ESR1: variants seen among roughly 807,000 people sequenced by gnomAD.
ESR1 encodes estrogen receptor.
Under a neutral mutation model 52.7 loss-of-function variants are expected in ESR1, and 12 were observed. The ratio of observed to expected loss-of-function variants is 0.23; its 90% CI spans 0.15 to 0.37. The LOEUF (loss-of-function observed/expected upper bound fraction) is 0.37. ESR1 is among the 10% of genes least tolerant of loss of function. The pLI, the probability that ESR1 is intolerant of heterozygous loss-of-function variation, is 1.00. For missense variants in ESR1, 584 were observed against 779.7 expected (o/e 0.75, Z 2.99); for synonymous variants, 305 against 316.8 (o/e 0.96, Z 0.39).
rs182358804 is a variant in ESR1, at chr6:151,681,272, G to T, written n.74-20603G>T. Among the ~76,000 whole-genome samples the T allele has an allele frequency of 3.8e-3, 581 of 152,278 alleles. 8 individuals are homozygous for T. Among genetic ancestry groups the T allele is most frequent in the Non-Finnish European group, 5.4e-3 (367 of 68,022 alleles). On this transcript the variant is annotated intron_variant and non_coding_transcript_variant, in intron 1 of 2. Coordinates refer to the ESR1 transcript ENST00000473497. ...CTGTGCAGTAGACCATAGAAATAAC[G>T]ATTGTTTCTGGGGTTGCGCTGGAGT... is the stretch of plus-strand genomic sequence containing the variant.
chr6:151,815,483 G>A (rs1779471191), intron 1 of ESR1, among the ~76,000 whole-genome samples: 1 of 152,180 alleles, frequency 6.6e-6, no homozygotes, highest in Admixed American at 6.5e-5. Flanking sequence ...AATGGATGGT[G>A]GTGGGCAGGA....
intron 2 of ESR1, among the ~76,000 whole-genome samples, chr6:151,715,128 T>A (rs1449485823): frequency 1.3e-5 from 2 of 152,228 alleles, no homozygotes; most frequent in African/African-American, 4.8e-5. Context: ...AATTCTAGGT[T>A]AAAAATTCTT....
chr6:152,043,759 A>G (rs1389325317), intron 5 of ESR1, among the ~76,000 whole-genome samples: 1 of 152,180 alleles, frequency 6.6e-6, no homozygotes, highest in Non-Finnish European at 1.5e-5. Flanking sequence ...TTAGAAGCTC[A>G]GTGCCCCCAG....
At chr6:151,915,707 A>G (rs1315682001) in intron 3 of ESR1, among the ~76,000 whole-genome samples, 2 of 152,186 alleles carry the variant, frequency 1.3e-5, no homozygotes, top group South Asian at 4.1e-4. Context: ...AACTGTTTTT[A>G]TAGATTTAAA....
chr6:151,949,674 G>A (rs2084675153), intron 4 of ESR1, among the ~76,000 whole-genome samples: 1 of 152,192 alleles, frequency 6.6e-6, no homozygotes, highest in Admixed American at 6.5e-5. Context: ...TTTTGCAAGT[G>A]TTCCATGTCC....
intron 1 of ESR1, among the ~76,000 whole-genome samples, chr6:151,675,444 A>G (rs1406645564): frequency 1.3e-5 from 2 of 152,142 alleles, no homozygotes; most frequent in African/African-American, 4.8e-5. Flanking sequence ...CAAGAGGGTT[A>G]GGGGAACTAT....
intron 1 of ESR1, among the ~76,000 whole-genome samples, chr6:151,672,112 C>T (rs150835764): frequency 0.017 from 2,586 of 151,990 alleles, 76 homozygotes; most frequent in African/African-American, 0.059. Flanking sequence ...GGATTGCAGG[C>T]GTGAGCCACT....
At chr6:152,085,639 C>T (rs1250029562) in intron 6 of ESR1, among the ~76,000 whole-genome samples, 1 of 152,110 alleles carries the variant, frequency 6.6e-6, no homozygotes, top group African/African-American at 2.4e-5. Flanking sequence ...GTCTGATATC[C>T]CAGCATAGGA....
intron 2 of ESR1, among the ~76,000 whole-genome samples, chr6:151,734,283 G>A (rs1008581680): frequency 2.6e-5 from 4 of 152,190 alleles, no homozygotes; most frequent in Non-Finnish European, 5.9e-5. Context: ...AGAAGATGCA[G>A]CCAAAGAAGT....
Position 152,100,377 on chromosome 6 carries a change from G to A in ESR1, c.*1411G>A, listed in dbSNP as rs968654107. ...GTGGTTTAGAGATAATCCAAAATCA[G>A]GGTTTGGTTTGGGGAAGAAAATCCT... On this transcript the variant is annotated 3_prime_UTR_variant, in exon 8 of 8. Transcript: ENST00000206249. 6.2e-6 allele frequency: 2 copies of A among 322,088 alleles called. No homozygotes were observed. Among genetic ancestry groups the A allele is most frequent in the South Asian group, 3.2e-4 (2 of 6,318 alleles). 20.0% of individuals were successfully genotyped at this position (322,088 alleles called of 1,614,324 possible). A position where few individuals can be genotyped will look rare whatever the true frequency, so the allele number is the denominator to read the frequency against.
chr6:152,037,937 G>A (rs1312039588), intron 5 of ESR1, among the ~76,000 whole-genome samples: 1 of 152,126 alleles, frequency 6.6e-6, no homozygotes, highest in Non-Finnish European at 1.5e-5. Context: ...TAGGATAGAT[G>A]TATATATGAA....
At chr6:151,850,022 AC>A (rs1402759908) in intron 2 of ESR1, among the ~76,000 whole-genome samples, 11 of 125,744 alleles carry the variant, frequency 8.7e-5, no homozygotes, top group South Asian at 2.4e-4. Context: ...GTATATATAT[AC>A]AAAATTATAT....
intron 2 of ESR1, among the ~76,000 whole-genome samples, chr6:151,749,192 C>G (rs201169593): frequency 8.5e-6 from 1 of 117,516 alleles, no homozygotes; most frequent in Non-Finnish European, 1.8e-5. Context: ...TGGGAAAAGA[C>G]AAAAAAAAAA....
chr6:151,719,730 T>A (rs1259994000), intron 2 of ESR1, among the ~76,000 whole-genome samples: 1 of 152,200 alleles, frequency 6.6e-6, no homozygotes, highest in African/African-American at 2.4e-5. Context: ...AATATGGTGA[T>A]CTTCCCTTAG....
chr6:152,088,835 G>A (rs534037966), intron 6 of ESR1, among the ~76,000 whole-genome samples: 7 of 152,192 alleles, frequency 4.6e-5, no homozygotes, highest in East Asian at 3.9e-4. Flanking sequence ...TAAAACACAC[G>A]CCAAGAAAAT....
intron 3 of ESR1, among the ~76,000 whole-genome samples, chr6:151,881,888 A>G (rs1562508711): frequency 5.0e-5 from 2 of 40,006 alleles, no homozygotes; most frequent in East Asian, 4.0e-4. Context: ...GTCTCAATAA[A>G]TAAATAAATA....
chr6:151,838,856 G>A (rs988791333), intron 1 of ESR1, among the ~76,000 whole-genome samples: 2 of 152,046 alleles, frequency 1.3e-5, no homozygotes, highest in Non-Finnish European at 2.9e-5. Flanking sequence ...AGTAAGCTGG[G>A]GGTCATCTTA....
chr6:151,970,279 T>A (rs2038770724), intron 4 of ESR1, among the ~76,000 whole-genome samples: 1 of 152,100 alleles, frequency 6.6e-6, no homozygotes. Context: ...TGTCACAGGT[T>A]CCTCTCCTCC....
Position 152,011,677 on chromosome 6 carries a change from A to C in ESR1, c.1118A>C (p.His373Pro). 1 of 1,613,198 alleles carries C rather than the reference A, an allele frequency of 6.2e-7. No homozygotes were observed. Reference sequence around the variant, plus strand: ...TCAGGCTTTGTGGATTTGACCCTCCATGATCAGGTCCACCTTCTAGAATGT... The same window carrying C: ...TCAGGCTTTGTGGATTTGACCCTCCCTGATCAGGTCCACCTTCTAGAATGT... The part of the protein sequence containing the change: ...RVPGFVDLTL[H>P]DQVHLLECAW... Residue 373 changes from histidine to proline, a missense_variant, in exon 5 of 8, where the codon CAT becomes CCT. By Grantham distance (77) the His-to-Pro change is moderately conservative (BLOSUM62 -2). Coordinates refer to ENST00000206249, the MANE Select transcript of ESR1 (RefSeq NM_000125.4).
Sources: gnomAD v4.1 joint callset for allele counts (sites outside exome capture counted in the v4.1 genomes callset) on GRCh38, gnomAD v4.1.1 for gene constraint, MANE v1.5 for transcripts, NCBI Gene and HGNC (gene_info 2026-07-23, HGNC 2026-07-21) for gene names.